The following HEATR6 variants were observed in gnomAD, a reference collection of about 807,000 sequenced individuals.
HEATR6 encodes HEAT repeat-containing protein 6.
A neutral mutation model predicts 132.8 loss-of-function variants in HEATR6; 106 were observed. The observed-to-expected ratio is 0.80, with a 90% CI of 0.68 to 0.94. The LOEUF (loss-of-function observed/expected upper bound fraction) is 0.94. Among genes scored for constraint, HEATR6 ranks in the 40% least tolerant of loss-of-function variants. The pLI, the probability that HEATR6 is intolerant of heterozygous loss-of-function variation, is 0.00. For missense variants in HEATR6, 1,339 were observed against 1,425.1 expected, an observed-to-expected ratio of 0.94 and a Z score of 0.97; for synonymous variants, 529 against 537.8, an observed-to-expected ratio of 0.98 and a Z score of 0.23.
rs1011090251 is a variant in HEATR6, at chr17:60,041,037, T to C, written c.*2526A>G. On this transcript the variant is annotated 3_prime_UTR_variant, in exon 20 of 20. Transcript: ENST00000184956. ...TGTGCTGATTTTCATCAGCTTAAGT[T>C]GTCTTTATTGTCAGTGGCTTCCTTT... Among the ~76,000 whole-genome samples, 4 of 152,190 alleles carry C rather than the reference T, an allele frequency of 2.6e-5. No individual in the cohort carries two copies. The highest frequency in any genetic ancestry group is 9.7e-5 in the African/African-American group (4 of 41,446).
In HEATR6 at chr17:60,056,552, G is replaced by C. The variant is rs147955627; in HGVS notation, c.2080-315C>G. Among the ~76,000 whole-genome samples, 436 of 152,280 alleles carry C rather than the reference G, an allele frequency of 2.9e-3. 4 individuals are homozygous for C. The highest frequency in any genetic ancestry group is 8.9e-3 in the East Asian group (46 of 5,184). ...GACAAGATGAAAGGACATGCTTCAT[G>C]CTGCCCAGTTAATCAGCAGCAGACC... On this transcript the variant is annotated intron_variant, in intron 12 of 19. Coordinates refer to ENST00000184956, the MANE Select transcript of HEATR6 (RefSeq NM_022070.5).
chr17:60,052,592 A>C (rs746413887), intron 14 of HEATR6, among the ~76,000 whole-genome samples: 33 of 152,230 alleles, frequency 2.2e-4, no homozygotes, highest in Non-Finnish European at 4.3e-4. Flanking sequence ...GTGGCATTCT[A>C]AGGCAGGGAC....
At chr17:60,058,716 G>C (rs544784172) in intron 11 of HEATR6, among the ~76,000 whole-genome samples, 8 of 152,308 alleles carry the variant, frequency 5.3e-5, no homozygotes, top group African/African-American at 1.9e-4. Flanking sequence ...AAAAATGGGA[G>C]TGGGATCCAG....
At position 60,059,494 on chromosome 17, in the gene HEATR6, G is replaced by C. The variant is rs988452854; in HGVS notation, c.1651C>G (p.Pro551Ala). The part of the protein sequence containing the change: ...KCLANLVSNA[P>A]YDRLKLSLLT... ...AGGCTGAGTTTTAGACGATCATAAG[G>C]TGCATTTGATACTAAATTTGCAAGG... is the stretch of plus-strand genomic sequence containing the variant. Residue 551 changes from proline to alanine, a missense_variant, in exon 11 of 20, where the codon CCT (proline) becomes GCT (alanine). Physicochemically the swap from Pro to Ala is conservative, Grantham distance 27. Coordinates refer to ENST00000184956, the MANE Select transcript of HEATR6 (RefSeq NM_022070.5). The C allele has an allele frequency of 4.3e-6, 7 of 1,612,762 alleles. No individual in the cohort carries two copies. Among genetic ancestry groups the C allele is most frequent in the African/African-American group, 2.7e-5 (2 of 74,852 alleles).
intron 1 of HEATR6, 27 bp downstream of exon 1, chr17:60,078,669 C>T: frequency 1.3e-6 from 2 of 1,521,026 alleles, no homozygotes; most frequent in Non-Finnish European, 1.8e-6. Flanking sequence ...GGGGCCGGGG[C>T]CGGGGCCAGC....
In HEATR6 at chr17:60,056,811, A is replaced by G. The variant is rs796158146; in HGVS notation, c.2079+237T>C. Among the ~76,000 whole-genome samples, 8 of 152,350 alleles carry G rather than the reference A, an allele frequency of 5.3e-5. No homozygotes were observed. The East Asian group carries it at 1.5e-3, about 29-fold the overall frequency. On this transcript the variant is annotated intron_variant, in intron 12 of 19. Transcript: ENST00000184956. ...ACATCCACTTGTCATATAATACCTG[A>G]AGGGACTAAAATAATTTGCAATCAA...
In HEATR6 at chr17:60,073,803, C is replaced by T; in HGVS notation, c.411G>A (p.Arg137=). The T allele has an allele frequency of 6.2e-7, 1 of 1,614,092 alleles. No individual in the cohort carries two copies. The highest frequency in any genetic ancestry group is 8.5e-7 in the Non-Finnish European group (1 of 1,179,962). ...AIHQCSSWTH[R]EILQALAALV... ...GAGCTGCCAGGGCTTGAAGAATTTC[C>T]CTGTGTGTCCAGGAACTACACTGAT... The change falls in exon 3 of 20, where the codon AGG becomes AGA. Residue 137 remains arginine, a synonymous_variant. Coordinates refer to ENST00000184956, the MANE Select transcript of HEATR6 (RefSeq NM_022070.5).
intron 9 of HEATR6, among the ~76,000 whole-genome samples, chr17:60,065,321 A>G (rs2083234886): frequency 6.6e-6 from 1 of 152,236 alleles, no homozygotes; most frequent in African/African-American, 2.4e-5. Flanking sequence ...AAGTTACTCA[A>G]GGAGATGACT....
At position 60,072,285 on chromosome 17, in the gene HEATR6, C is replaced by T. The variant is rs772235555; in HGVS notation, c.629G>A (p.Cys210Tyr). 6.2e-7 allele frequency: 1 copy of T among 1,611,198 alleles called. No homozygotes were observed. The highest frequency in any genetic ancestry group is 1.7e-5 in the Admixed American group (1 of 59,848). ...PYLEEPYQNVCFQAFLTILQS... is the reference protein window; with the variant it reads ...PYLEEPYQNVYFQAFLTILQS... ...TAAAATAGTCAGAAAAGCTTGGAAA[C>T]AGACATTTTGGTAGGGCTCCTCCAA... Residue 210 changes from cysteine (C) to tyrosine (Y), a missense_variant, in exon 5 of 20, where the codon TGT becomes TAT. Cys to Tyr is a radical substitution (Grantham distance 194). Transcript: ENST00000184956.
At chr17:60,070,144 T>G (rs578218718) in intron 6 of HEATR6, among the ~76,000 whole-genome samples, 1 of 152,332 alleles carries the variant, frequency 6.6e-6, no homozygotes, top group Admixed American at 6.5e-5. Flanking sequence ...AATTACTTTA[T>G]CTGTCTATAA....
chr17:60,074,020 C>T (rs1333592949), intron 2 of HEATR6, 134 bp from the exon 3 acceptor site: 2 of 1,413,126 alleles, frequency 1.4e-6, no homozygotes, highest in Admixed American at 5.9e-5. Context: ...TCAAAAGGAT[C>T]ACCTCTAAAG....
chr17:60,064,935 T>C (rs1477986935), intron 9 of HEATR6, among the ~76,000 whole-genome samples: 5 of 152,208 alleles, frequency 3.3e-5, no homozygotes, highest in African/African-American at 4.8e-5. Flanking sequence ...GCTGGGCAGC[T>C]GTGATAAAGG....
chr17:60,045,328 A>G (rs534635230), intron 19 of HEATR6, among the ~76,000 whole-genome samples: 3 of 152,366 alleles, frequency 2.0e-5, no homozygotes, highest in Admixed American at 2.0e-4. Flanking sequence ...TCTCCTCTCC[A>G]GGAACACATC....
At chr17:60,077,251 T>G (rs77282812) in intron 1 of HEATR6, among the ~76,000 whole-genome samples, 2,358 of 152,106 alleles carry the variant, frequency 0.016, 65 homozygotes, top group African/African-American at 0.053. Context: ...CTGGAATGAT[T>G]TGAAGGATGA....
intron 14 of HEATR6, among the ~76,000 whole-genome samples, 175 bp downstream of exon 14, chr17:60,055,340 A>C (rs1906708402): frequency 6.6e-6 from 1 of 152,220 alleles, no homozygotes; most frequent in African/African-American, 2.4e-5. Flanking sequence ...ACTGCAAATA[A>C]ACTGAAATGT....
Position 60,070,761 on chromosome 17 carries a change from C to A in HEATR6, c.746G>T (p.Gly249Val). ...LKGIQSLLNG[G>V]RMKLTQTDEL... ...ATCAGTCTGTGTTAGTTTCATTCTC[C>A]CACCATTTAGAAGTGACTGTATACC... Residue 249 changes from glycine (G) to valine (V), a missense_variant, in exon 6 of 20, where the codon GGG becomes GTG. Gly to Val is a moderately radical substitution (Grantham distance 109, BLOSUM62 -3). Transcript: ENST00000184956. 6.2e-7 allele frequency: 1 copy of A among 1,610,796 alleles called. No homozygotes were observed. The highest frequency in any genetic ancestry group is 8.5e-7 in the Non-Finnish European group (1 of 1,177,116).
Position 60,047,533 on chromosome 17 carries a change from A to G in HEATR6, c.2673-128T>C, listed in dbSNP as rs1598904749. The G allele has an allele frequency of 5.3e-5, 23 of 433,698 alleles. No homozygotes were observed. In the East Asian group the frequency reaches 8.0e-4, roughly 15 times the overall value. 26.9% of individuals were successfully genotyped at this position (433,698 alleles called of 1,614,324 possible). A position where few individuals can be genotyped will look rare whatever the true frequency, so the allele number is the denominator to read the frequency against. On this transcript the variant is annotated intron_variant, in intron 17 of 19. Coordinates refer to ENST00000184956, the MANE Select transcript of HEATR6 (RefSeq NM_022070.5). ...ACAGTTTAACAAATCTGCTTAGATT[A>G]TATCAAGAAACTTACATTATATATC...
In HEATR6 at chr17:60,050,953, G is replaced by A. The variant is rs1374094745; in HGVS notation, c.2314C>T (p.Leu772=). ...FLVVMFWTMM[L]NGPLPRALQN... is the part of the protein sequence containing the mutation. ...AGGGCTCTGGGTAAAGGACCGTTCA[G>A]CATCATAGTCCAGAACATCACCACC... The change falls in exon 15 of 20, where the codon CTG becomes TTG. Residue 772 remains leucine, a synonymous_variant. Transcript: ENST00000184956. 6.2e-7 allele frequency: 1 copy of A among 1,614,082 alleles called. No homozygotes were observed. Among genetic ancestry groups the A allele is most frequent in the East Asian group, 2.2e-5 (1 of 44,896 alleles).
chr17:60,049,003 TA>T (rs1420180454), intron 16 of HEATR6, among the ~76,000 whole-genome samples: 1 of 132,486 alleles, frequency 7.5e-6, no homozygotes, highest in East Asian at 2.2e-4. Context: ...TATATATATA[TA>T]TATATATATA....
Sources: gnomAD v4.1 joint callset for allele counts (sites outside exome capture counted in the v4.1 genomes callset) on GRCh38, gnomAD v4.1.1 for gene constraint, MANE v1.5 for transcripts, NCBI Gene and HGNC (gene_info 2026-07-23, HGNC 2026-07-21) for gene names.